Variants in GABRG3 observed in about 807,000 individuals in gnomAD.
GABRG3 encodes gamma-aminobutyric acid receptor subunit gamma-3.
In GABRG3, 25 loss-of-function variants were observed where a neutral mutation model predicts 48.8. That is an observed-to-expected ratio of 0.51 (90% CI 0.37 to 0.72). The LOEUF (loss-of-function observed/expected upper bound fraction) is 0.72, where lower values mean the gene tolerates loss of function less well. GABRG3 is among the 30% of genes least tolerant of loss of function. GABRG3 has a pLI of 0.00. For synonymous variants in GABRG3, 227 were observed against 217.6 expected (o/e 1.04, Z -0.38); for missense variants, 394 against 577.9 (o/e 0.68, Z 3.26).
Position 27,527,969 on chromosome 15 carries a change from C to T in GABRG3, c.1099C>T (p.Arg367Ter), listed in dbSNP as rs1451411062. The T allele has an allele frequency of 1.3e-6, 2 of 1,597,726 alleles. No individual in the cohort carries two copies. The highest frequency in any genetic ancestry group is 1.7e-6 in the Non-Finnish European group (2 of 1,171,070). Reference sequence around the variant, plus strand: ...AGATTCCTCAAGATGGATTCCTGAGCGAATAAGCCTACAAGCCCCTTCCGT... The same window carrying T: ...AGATTCCTCAAGATGGATTCCTGAGTGAATAAGCCTACAAGCCCCTTCCGT... ...HPDSSRWIPERISLQAPSNYS... is the reference protein window; with the variant it reads ...HPDSSRWIPE The change falls in exon 9 of 10, where the codon CGA becomes TGA. Residue 367 changes from arginine (R) to a stop codon, truncating the protein, a stop_gained. Transcript: ENST00000615808. LOFTEE classifies it high-confidence loss of function.
chr15:27,097,555 A>G (rs1268111065), intron 3 of GABRG3, among the ~76,000 whole-genome samples: 1 of 150,574 alleles, frequency 6.6e-6, no homozygotes, highest in Non-Finnish European at 1.5e-5. Flanking sequence ...ACCACTCCCA[A>G]TCATTTTTGT....
intron 5 of GABRG3, among the ~76,000 whole-genome samples, chr15:27,349,913 G>T (rs1453330677): frequency 5.5e-5 from 8 of 145,886 alleles, no homozygotes; most frequent in South Asian, 2.2e-4. Context: ...ATACCTGACT[G>T]CATCCTTTAC....
intron 5 of GABRG3, among the ~76,000 whole-genome samples, chr15:27,373,057 C>T (rs556864119): frequency 1.3e-3 from 198 of 150,780 alleles, no homozygotes; most frequent in African/African-American, 4.7e-3. Flanking sequence ...AGAGACAGCA[C>T]GCAAATGCCA....
chr15:27,047,805 G>T (rs1057015274), intron 3 of GABRG3, among the ~76,000 whole-genome samples: 26 of 152,144 alleles, frequency 1.7e-4, no homozygotes, highest in African/African-American at 6.0e-4. Flanking sequence ...GGCTAAAAAT[G>T]GAATCAGGAT....
rs1338552282 is a variant in GABRG3 at position 26,974,971 on chromosome 15, T to C, written c.54-2031T>C. On this transcript the variant is annotated intron_variant, in intron 1 of 9. Coordinates refer to ENST00000615808, the MANE Select transcript of GABRG3 (RefSeq NM_033223.5). This position sits in a 1 kb window ranked among gnomAD's most constrained non-coding sequence, Gnocchi z 4.3. ...TCACTGCAACCTCTGCCTCCTGGGT[T>C]CAAGCAATTCTCTTGCCTCAGCCTC... Among the ~76,000 whole-genome samples the C allele has an allele frequency of 6.6e-6, 1 of 151,452 alleles. No homozygotes were observed. Among genetic ancestry groups the C allele is most frequent in the Non-Finnish European group, 1.5e-5 (1 of 67,902 alleles).
intron 5 of GABRG3, among the ~76,000 whole-genome samples, chr15:27,423,157 T>C (rs2140613921): frequency 6.7e-6 from 1 of 149,730 alleles, no homozygotes; most frequent in South Asian, 2.1e-4. Context: ...CATCAAGAGT[T>C]ATGCTTGTGC....
rs540425125 is a variant in GABRG3, at chr15:26,976,689, T to G, written c.54-313T>G. On this transcript the variant is annotated intron_variant, in intron 1 of 9. Transcript: ENST00000615808. This position sits in a 1 kb window ranked among gnomAD's most constrained non-coding sequence, Gnocchi z 7.8. ...GGCTATCGGGGTGGATCCAAGGGTG[T>G]GTTGCCTGCTGGTTGGCCCTCTGGT... Among the ~76,000 whole-genome samples, 3 of 152,270 alleles carry G rather than the reference T, an allele frequency of 2.0e-5. 1 individual carries two copies. The highest frequency in any genetic ancestry group is 2.1e-4 in the South Asian group (1 of 4,818).
In GABRG3 at chr15:27,476,717, G is replaced by A. The variant is rs189983597; in HGVS notation, c.575-3933G>A. Among the ~76,000 whole-genome samples, 456 of 152,206 alleles carry A rather than the reference G, an allele frequency of 3.0e-3. 4 individuals are homozygous for A. Among genetic ancestry groups the A allele is most frequent in the African/African-American group, 0.011 (443 of 41,548 alleles). ...TGAAGAATGCCAACAAACACATAAT[G>A]GGAATCTCAGAGGAGAAGAGAAGAG... is the stretch of plus-strand genomic sequence containing the variant. On this transcript the variant is annotated intron_variant, in intron 5 of 9. Transcript: ENST00000615808.
chr15:27,522,481 AAAT>A (rs1322758465), intron 7 of GABRG3, among the ~76,000 whole-genome samples: 3 of 151,882 alleles, frequency 2.0e-5, no homozygotes, highest in Admixed American at 6.6e-5. Context: ...ATTAAAGTGA[AAAT>A]AATAATATTG....
chr15:27,069,517 A>C (rs980497770), intron 3 of GABRG3, among the ~76,000 whole-genome samples: 9 of 152,364 alleles, frequency 5.9e-5, no homozygotes, highest in African/African-American at 1.7e-4. Context: ...AAAACTGTGC[A>C]TACACATCCA....
intron 3 of GABRG3, among the ~76,000 whole-genome samples, chr15:27,144,215 A>C (rs919288206): frequency 7.3e-5 from 11 of 150,724 alleles, no homozygotes; most frequent in Non-Finnish European, 4.4e-5. Context: ...TGGGAAGAAC[A>C]CTGACTGTGT....
chr15:27,466,451 A>G (rs1889613960), intron 5 of GABRG3, among the ~76,000 whole-genome samples: 2 of 141,128 alleles, frequency 1.4e-5, no homozygotes. Flanking sequence ...AAATGATCCC[A>G]ATTTCCAAAG....
At chr15:27,232,364 G>C (rs1437240040) in intron 3 of GABRG3, among the ~76,000 whole-genome samples, 1 of 152,176 alleles carries the variant, frequency 6.6e-6, no homozygotes, top group African/African-American at 2.4e-5. Flanking sequence ...GCACGCGTCT[G>C]GTTTGAACTG....
At chr15:27,497,688 T>C (rs1890520205) in intron 6 of GABRG3, among the ~76,000 whole-genome samples, 1 of 152,232 alleles carries the variant, frequency 6.6e-6, no homozygotes, top group Non-Finnish European at 1.5e-5. Context: ...TAGAGTTTTA[T>C]GTATGATATT....
intron 3 of GABRG3, among the ~76,000 whole-genome samples, chr15:27,308,751 A>ACATAATGTAAACATACGTT (rs1491360514): frequency 2.0e-5 from 3 of 148,344 alleles, no homozygotes; most frequent in Non-Finnish European, 4.5e-5. Context: ...ATATGTAAAC[A>ACATAATGTAAACATACGTT]TATAATGTAA....
chr15:27,357,100 C>T, intron 5 of GABRG3, among the ~76,000 whole-genome samples: 1 of 152,154 alleles, frequency 6.6e-6, no homozygotes, highest in East Asian at 1.9e-4. Context: ...CTGCATTGGG[C>T]TGCACTCCAA....
At chr15:26,995,585 G>A (rs1411998250) in intron 2 of GABRG3, among the ~76,000 whole-genome samples, 6 of 150,376 alleles carry the variant, frequency 4.0e-5, no homozygotes, top group African/African-American at 1.5e-4. Context: ...GAAGATTTTG[G>A]TTTAATGATT....
At position 27,505,335 on chromosome 15, in the gene GABRG3, C is replaced by T. The variant is rs542574639; in HGVS notation, c.713-14637C>T. On this transcript the variant is annotated intron_variant, in intron 6 of 9. Transcript: ENST00000615808. The stretch of plus-strand genomic sequence containing the variant: ...TTAAAGTGCTGTCTGCCAGATTTCC[C>T]CACTGTAAAGTTACAATATTTTCTT... Among the ~76,000 whole-genome samples, 3 of 152,220 alleles carry T rather than the reference C, an allele frequency of 2.0e-5. No individual in the cohort carries two copies. In the South Asian group the frequency reaches 6.2e-4, roughly 32 times the overall value.
chr15:27,028,805 CAAAAAAAAAA>C (rs35610809), intron 3 of GABRG3, among the ~76,000 whole-genome samples: 7 of 102,544 alleles, frequency 6.8e-5, no homozygotes, highest in East Asian at 3.8e-4. Flanking sequence ...GACTTCATCT[CAAAAAAAAAA>C]AAAAAAAAAA....
Sources: allele counts gnomAD v4.1 joint callset (sites outside exome capture counted in the v4.1 genomes callset), GRCh38; gene constraint gnomAD v4.1.1; non-coding constraint Gnocchi (gnomAD v3.1); transcripts MANE v1.5; gene names NCBI Gene and HGNC (gene_info 2026-07-23, HGNC 2026-07-21).